The following LIMA1 variants were observed in gnomAD, a reference collection of about 807,000 sequenced individuals.
The protein encoded by LIMA1 is LIM domain and actin-binding protein 1.
Under a neutral mutation model 62.6 loss-of-function variants are expected in LIMA1, and 52 were observed. The ratio of observed to expected loss-of-function variants is 0.83; its 90% CI spans 0.67 to 1.05. The LOEUF (loss-of-function observed/expected upper bound fraction) is 1.05, where lower values mean the gene tolerates loss of function less well. Among genes scored for constraint, LIMA1 ranks in the 50% least tolerant of loss-of-function variants. The pLI is 0.00. For synonymous variants in LIMA1, 302 were observed against 317.8 expected (o/e 0.95, Z 0.53); for missense variants, 780 against 902.2 (o/e 0.86, Z 1.74).
chr12:50,233,405 T>C (rs745538595), intron 2 of LIMA1, among the ~76,000 whole-genome samples: 7 of 152,036 alleles, frequency 4.6e-5, no homozygotes, highest in Non-Finnish European at 8.8e-5. Flanking sequence ...ATGCCTGATA[T>C]CTTACAATTG....
chr12:50,229,272 C>G (rs1382462320), intron 3 of LIMA1, among the ~76,000 whole-genome samples: 4 of 152,116 alleles, frequency 2.6e-5, no homozygotes, highest in Admixed American at 1.3e-4. Flanking sequence ...TCTTGAACTC[C>G]TGGCCTCAAG....
chr12:50,177,373 TTC>T lies in LIMA1; in HGVS notation c.1969_1970del (p.Glu657IlefsTer2). 1 of 1,614,210 alleles carries T rather than the reference TTC, an allele frequency of 6.2e-7. No individual in the cohort carries two copies. Among genetic ancestry groups the T allele is most frequent in the Non-Finnish European group, 8.5e-7 (1 of 1,180,036 alleles). ...NVGKTTWQNK[E>X]SKGETGKRSK... is the part of the protein sequence containing the mutation. ...TTCTCTTCCCTGTCTCTCCTTTAGATTCTTTGTTTTGCCAGGTTGTTTTTCCC... is the reference window on the plus strand; with the variant it reads ...TTCTCTTCCCTGTCTCTCCTTTAGATTTTGTTTTGCCAGGTTGTTTTTCCC... On this transcript the variant is annotated frameshift_variant, in exon 11 of 11. Transcript: ENST00000341247. LOFTEE classifies it low-confidence loss of function (END_TRUNC).
chr12:50,248,791 G>T lies in LIMA1; in HGVS notation c.-23-17C>A. On this transcript the variant is annotated splice_polypyrimidine_tract_variant and intron_variant, in intron 1 of 10. Coordinates refer to ENST00000341247, the MANE Select transcript of LIMA1 (RefSeq NM_016357.5). ...CTGAAATACCTATGCAATAAAGAAA[G>T]TCAGAACATTAGACACAGAAGAGGA... is the stretch of plus-strand genomic sequence containing the variant. 3 of 1,209,346 alleles carry T rather than the reference G, an allele frequency of 2.5e-6. No individual in the cohort carries two copies. The highest frequency in any genetic ancestry group is 3.7e-6 in the Non-Finnish European group (3 of 813,268). 74.9% of individuals were successfully genotyped at this position (1,209,346 alleles called of 1,614,324 possible).
At chr12:50,247,230 G>A (rs887167544) in intron 2 of LIMA1, among the ~76,000 whole-genome samples, 1 of 151,934 alleles carries the variant, frequency 6.6e-6, no homozygotes, top group African/African-American at 2.4e-5. Flanking sequence ...GCCCTTCCCC[G>A]AAATGAGTCA....
At chr12:50,277,259 ATTC>A (rs1942286940) in intron 1 of LIMA1, among the ~76,000 whole-genome samples, 4 of 144,912 alleles carry the variant, frequency 2.8e-5, no homozygotes, top group African/African-American at 1.1e-4. Flanking sequence ...CAAGAACCCC[ATTC>A]AATTTTTTTT....
intron 1 of LIMA1, among the ~76,000 whole-genome samples, chr12:50,273,884 C>T (rs1251290031): frequency 1.3e-5 from 2 of 152,128 alleles, no homozygotes; most frequent in Non-Finnish European, 2.9e-5. Context: ...TTTAGTTTTG[C>T]CACACTGGCT....
chr12:50,225,177 T>C (rs924025396), intron 3 of LIMA1, among the ~76,000 whole-genome samples: 1 of 152,000 alleles, frequency 6.6e-6, no homozygotes, highest in Non-Finnish European at 1.5e-5. Flanking sequence ...GCTGGGATTA[T>C]AGGCATGAGC....
intron 10 of LIMA1, among the ~76,000 whole-genome samples, chr12:50,179,152 T>G (rs1315327912): frequency 6.6e-6 from 1 of 151,556 alleles, no homozygotes; most frequent in Non-Finnish European, 1.5e-5. Flanking sequence ...ATTTTTGTAT[T>G]GTTTTGTTTT....
intron 1 of LIMA1, among the ~76,000 whole-genome samples, chr12:50,256,818 A>AG (rs1323120164): frequency 2.2e-4 from 34 of 152,344 alleles, no homozygotes; most frequent in Non-Finnish European, 4.4e-4. Context: ...AACAAAAAAA[A>AG]GTTTTTTTAA....
At chr12:50,270,987 G>A (rs1478795510) in intron 1 of LIMA1, among the ~76,000 whole-genome samples, 1 of 152,182 alleles carries the variant, frequency 6.6e-6, no homozygotes, top group Non-Finnish European at 1.5e-5. Context: ...AATTACTCGG[G>A]AGGCTGAGGC....
At chr12:50,185,112 G>A (rs1279580719) in intron 9 of LIMA1, among the ~76,000 whole-genome samples, 1 of 152,200 alleles carries the variant, frequency 6.6e-6, no homozygotes, top group Non-Finnish European at 1.5e-5. Context: ...TTACAGGTGT[G>A]AGCCACTGCG....
At chr12:50,235,836 A>G (rs1018546049) in intron 2 of LIMA1, among the ~76,000 whole-genome samples, 1 of 152,180 alleles carries the variant, frequency 6.6e-6, no homozygotes, top group South Asian at 2.1e-4. Flanking sequence ...TAAGCAGGAA[A>G]ATGACAACTG....
chr12:50,235,197 G>A (rs890508885), intron 2 of LIMA1, among the ~76,000 whole-genome samples: 1 of 150,910 alleles, frequency 6.6e-6, no homozygotes, highest in Non-Finnish European at 1.5e-5. Flanking sequence ...GCCTTTCAAA[G>A]TGTTGAAATT....
At chr12:50,185,039 T>C (rs369911118) in intron 9 of LIMA1, among the ~76,000 whole-genome samples, 2 of 152,038 alleles carry the variant, frequency 1.3e-5, no homozygotes, top group South Asian at 2.1e-4. Context: ...ACCATGTTGG[T>C]CAGGCTGGTT....
In LIMA1 at chr12:50,175,836, G is replaced by C. The variant is rs760760709; in HGVS notation, c.*1228C>G. On this transcript the variant is annotated 3_prime_UTR_variant, in exon 11 of 11. Coordinates refer to ENST00000341247, the MANE Select transcript of LIMA1 (RefSeq NM_016357.5). The stretch of plus-strand genomic sequence containing the variant: ...ATTGAATAAAAATGTTTCAGACTAG[G>C]TAAGACTAAGAAAGCAGAATGTTTT... 2.6e-5 allele frequency: 4 copies of C among 152,046 alleles called. No homozygotes were observed. The highest frequency in any genetic ancestry group is 4.4e-5 in the Non-Finnish European group (3 of 67,988). The allele number at this position is 152,046 out of a possible 1,614,324, so 9.4% of individuals were successfully genotyped here.
intron 2 of LIMA1, among the ~76,000 whole-genome samples, chr12:50,246,660 G>C (rs1379374995): frequency 2.6e-5 from 4 of 152,130 alleles, no homozygotes; most frequent in Admixed American, 2.6e-4. Context: ...AACCTTAGCA[G>C]AGCATCCGAG....
intron 1 of LIMA1, among the ~76,000 whole-genome samples, chr12:50,271,023 C>T (rs1263469681): frequency 3.3e-5 from 5 of 151,918 alleles, no homozygotes; most frequent in Non-Finnish European, 7.4e-5. Flanking sequence ...ACCCAGGAGG[C>T]GGAGCTTGCA....
intron 4 of LIMA1, among the ~76,000 whole-genome samples, chr12:50,214,608 A>G (rs1941313056): frequency 2.0e-5 from 3 of 152,388 alleles, no homozygotes; most frequent in African/African-American, 7.2e-5. Flanking sequence ...GGAGTTCAAG[A>G]CCAGCCTGAC....
chr12:50,215,207 C>T (rs1941322614), intron 4 of LIMA1, among the ~76,000 whole-genome samples: 1 of 152,126 alleles, frequency 6.6e-6, no homozygotes, highest in South Asian at 2.1e-4. Flanking sequence ...AAACAAAATA[C>T]CAAGTGTCAC....
Sources: allele counts gnomAD v4.1 joint callset (sites outside exome capture counted in the v4.1 genomes callset), GRCh38; gene constraint gnomAD v4.1.1; transcripts MANE v1.5; gene names NCBI Gene and HGNC (gene_info 2026-07-23, HGNC 2026-07-21).